Variants in ZDHHC21 observed in about 807,000 individuals in gnomAD.
The protein encoded by ZDHHC21 is zDHHC palmitoyltransferase 21, also known as palmitoyltransferase ZDHHC21.
A neutral mutation model predicts 34.6 loss-of-function variants in ZDHHC21; 15 were observed. The ratio of observed to expected loss-of-function variants is 0.43; its 90% confidence interval spans 0.29 to 0.67. ZDHHC21 has a LOEUF of 0.67. ZDHHC21 is among the 30% of genes least tolerant of loss of function. The pLI, the probability that ZDHHC21 is intolerant of heterozygous loss-of-function variation, is 0.14. For synonymous variants in ZDHHC21, 142 were observed against 101.8 expected (o/e 1.40, Z -2.38); for missense variants, 344 against 327.7 (o/e 1.05, Z -0.38).
At position 14,612,100 on chromosome 9, in the gene ZDHHC21, C is replaced by T. The variant is rs139200702; in HGVS notation, c.*6866G>A. ...AGATTAGAGAGAGATAATGTTGCTT[C>T]ATCTCATTAGGCTTTCAAATTTTGC... On this transcript the variant is annotated 3_prime_UTR_variant, in exon 10 of 10. Coordinates refer to ENST00000380916, the MANE Select transcript of ZDHHC21 (RefSeq NM_178566.6). 1.4e-4 allele frequency: 22 copies of T among 152,084 alleles called. No individual in the cohort carries two copies. The highest frequency in any genetic ancestry group is 5.1e-4 in the African/African-American group (21 of 41,534). 9.4% of individuals were successfully genotyped at this position (152,084 alleles called of 1,614,324 possible). A position where few individuals can be genotyped will look rare whatever the true frequency, so the allele number is the denominator to read the frequency against.
intron 7 of ZDHHC21, among the ~76,000 whole-genome samples, chr9:14,641,882 A>C (rs1829438596): frequency 6.6e-6 from 1 of 152,204 alleles, no homozygotes; most frequent in African/African-American, 2.4e-5. Flanking sequence ...GTCACAGACA[A>C]AGTTTCGGAG....
chr9:14,592,077 A>AT, the ZDHHC21 span, among the ~76,000 whole-genome samples: 1 of 151,982 alleles, frequency 6.6e-6, no homozygotes, highest in African/African-American at 2.4e-5. Context: ...TCTGCATGCC[A>AT]TTTTTACAAT....
At chr9:14,626,228 C>T (rs2133515882) in intron 8 of ZDHHC21, among the ~76,000 whole-genome samples, 1 of 151,944 alleles carries the variant, frequency 6.6e-6, no homozygotes, top group South Asian at 2.1e-4. Flanking sequence ...ATAAAATGTA[C>T]ATAAATTATT....
At chr9:14,661,226 C>G (rs1217153324) in intron 6 of ZDHHC21, among the ~76,000 whole-genome samples, 1 of 152,066 alleles carries the variant, frequency 6.6e-6, no homozygotes, top group African/African-American at 2.4e-5. Flanking sequence ...TTTAAACAGT[C>G]TATGCAAAAA....
At chr9:14,646,828 T>C (rs1830350230) in intron 7 of ZDHHC21, among the ~76,000 whole-genome samples, 1 of 152,158 alleles carries the variant, frequency 6.6e-6, no homozygotes, top group African/African-American at 2.4e-5. Context: ...AGTATTTATC[T>C]CCATCTGATA....
the ZDHHC21 span, chr9:14,589,125 G>A: frequency 2.0e-5 from 3 of 152,270 alleles, no homozygotes; most frequent in African/African-American, 4.8e-5. Context: ...TGGGGTAGGG[G>A]TCAATGAATG....
intron 1 of ZDHHC21, among the ~76,000 whole-genome samples, chr9:14,692,132 ACT>A (rs1265168680): frequency 6.6e-6 from 1 of 152,222 alleles, no homozygotes; most frequent in Non-Finnish European, 1.5e-5. Flanking sequence ...GATGGCACAA[ACT>A]AAGGAAAAAC....
intron 7 of ZDHHC21, among the ~76,000 whole-genome samples, chr9:14,644,212 G>A (rs1357963893): frequency 6.6e-6 from 1 of 152,042 alleles, no homozygotes; most frequent in Non-Finnish European, 1.5e-5. Context: ...TATAAAAATA[G>A]ATTTTTAAAA....
At chr9:14,625,250 T>C (rs1826008392) in intron 8 of ZDHHC21, among the ~76,000 whole-genome samples, 1 of 152,090 alleles carries the variant, frequency 6.6e-6, no homozygotes, top group African/African-American at 2.4e-5. Flanking sequence ...AATGTCCTGT[T>C]AATCTTAGCT....
intron 7 of ZDHHC21, among the ~76,000 whole-genome samples, chr9:14,655,388 T>A (rs892442062): frequency 2.0e-5 from 3 of 151,620 alleles, no homozygotes; most frequent in African/African-American, 7.3e-5. Flanking sequence ...GTATAAAGAG[T>A]ACTAGAAAAA....
At chr9:14,663,319 C>T (rs1833732649) in intron 5 of ZDHHC21, among the ~76,000 whole-genome samples, 1 of 151,990 alleles carries the variant, frequency 6.6e-6, no homozygotes, top group Non-Finnish European at 1.5e-5. Flanking sequence ...AGCCTAACTC[C>T]TATATTCAGA....
intron 2 of ZDHHC21, among the ~76,000 whole-genome samples, chr9:14,685,754 C>T (rs1258985387): frequency 2.0e-5 from 3 of 152,132 alleles, no homozygotes; most frequent in African/African-American, 4.8e-5. Flanking sequence ...CACATGCGCA[C>T]GTATGTGTAT....
chr9:14,607,802 T>C (rs568171437), downstream of ZDHHC21, among the ~76,000 whole-genome samples: 5 of 152,276 alleles, frequency 3.3e-5, no homozygotes, highest in Non-Finnish European at 7.4e-5. Flanking sequence ...TACAGGGCTT[T>C]GAATACCAAA....
the ZDHHC21 span, among the ~76,000 whole-genome samples, chr9:14,605,710 AT>A: frequency 4.6e-5 from 7 of 152,106 alleles, no homozygotes; most frequent in Non-Finnish European, 1.0e-4. Flanking sequence ...ACTTGTCTAT[AT>A]TTGCTTTTGT....
intron 7 of ZDHHC21, among the ~76,000 whole-genome samples, chr9:14,645,267 G>A (rs922355133): frequency 2.0e-5 from 3 of 151,874 alleles, no homozygotes; most frequent in African/African-American, 7.3e-5. Flanking sequence ...GAGACAAATA[G>A]ATCAACAGAC....
downstream of ZDHHC21, among the ~76,000 whole-genome samples, chr9:14,608,948 T>C (rs997795693): frequency 2.0e-5 from 3 of 152,184 alleles, no homozygotes; most frequent in Non-Finnish European, 4.4e-5. Context: ...AGGATACATA[T>C]TTTAAGTGTT....
the ZDHHC21 span, among the ~76,000 whole-genome samples, chr9:14,595,157 C>T: frequency 6.6e-6 from 1 of 152,170 alleles, no homozygotes; most frequent in Non-Finnish European, 1.5e-5. Flanking sequence ...CAGATTTCCA[C>T]TCTTAGGTAT....
rs1445147717 is a variant in ZDHHC21, at chr9:14,615,818, T to C, written c.*3148A>G. ...GAAGGTCGACAAATGACTTTACTGA[T>C]GTAAAAACATGCTTTAACATACATT... On this transcript the variant is annotated 3_prime_UTR_variant, in exon 10 of 10. Coordinates refer to ENST00000380916, the MANE Select transcript of ZDHHC21 (RefSeq NM_178566.6). 2.6e-5 allele frequency: 4 copies of C among 151,702 alleles called. No individual in the cohort carries two copies. The highest frequency in any genetic ancestry group is 9.7e-5 in the African/African-American group (4 of 41,414). The allele number at this position is 151,702 out of a possible 1,614,324, so 9.4% of individuals were successfully genotyped here.
chr9:14,682,262 C>G (rs1037059624), intron 2 of ZDHHC21, among the ~76,000 whole-genome samples: 5 of 152,144 alleles, frequency 3.3e-5, no homozygotes, highest in African/African-American at 1.2e-4. Context: ...GATAAAGAGT[C>G]AAGACCCATC....
Sources: gnomAD v4.1 joint callset for allele counts (sites outside exome capture counted in the v4.1 genomes callset) on GRCh38, gnomAD v4.1.1 for gene constraint, MANE v1.5 for transcripts, NCBI Gene and HGNC (gene_info 2026-07-23, HGNC 2026-07-21) for gene names.